The following ZNF804B variants were observed in gnomAD, a reference collection of about 807,000 sequenced individuals.
The protein encoded by ZNF804B is zinc finger protein 804B, also known as zinc finger 804B.
ZNF804B carries 80 observed loss-of-function variants against 101.4 expected under a neutral mutation model. That is an observed-to-expected ratio of 0.79 (90% CI 0.66 to 0.95). The LOEUF (loss-of-function observed/expected upper bound fraction) is 0.95, where lower values mean the gene tolerates loss of function less well. Among genes scored for constraint, ZNF804B ranks in the 40% least tolerant of loss-of-function variants. ZNF804B has a pLI of 0.00. For synonymous variants in ZNF804B, 622 were observed against 558.8 expected (o/e 1.11, Z -1.59); for missense variants, 1,673 against 1,561.9 (o/e 1.07, Z -1.20).
chr7:89,280,068 A>G (rs963078969), intron 2 of ZNF804B, among the ~76,000 whole-genome samples: 1 of 152,196 alleles, frequency 6.6e-6, no homozygotes, highest in Non-Finnish European at 1.5e-5. Context: ...CTCTCAGACC[A>G]CAGTGCAATC....
intron 1 of ZNF804B, among the ~76,000 whole-genome samples, chr7:88,779,784 T>C (rs1046695652): frequency 1.3e-5 from 2 of 152,202 alleles, no homozygotes; most frequent in African/African-American, 4.8e-5. Context: ...ATTTTCATAT[T>C]CTTTTATTAC....
At chr7:89,082,960 A>G (rs928927916) in intron 1 of ZNF804B, among the ~76,000 whole-genome samples, 1 of 151,720 alleles carries the variant, frequency 6.6e-6, no homozygotes, top group Admixed American at 6.6e-5. Context: ...CACTTTGAAG[A>G]TTGATTTTTA....
chr7:89,106,992 C>G (rs1243976957), intron 1 of ZNF804B, among the ~76,000 whole-genome samples: 1 of 151,914 alleles, frequency 6.6e-6, no homozygotes, highest in Non-Finnish European at 1.5e-5. Context: ...AAATACAGTA[C>G]TGAAACTCAG....
chr7:88,894,364 C>A (rs1792256072), intron 1 of ZNF804B, among the ~76,000 whole-genome samples: 1 of 151,938 alleles, frequency 6.6e-6, no homozygotes, highest in Admixed American at 6.6e-5. Context: ...AGATATGCAC[C>A]ACCATGCCCA....
At chr7:89,116,710 C>T (rs1166528746) in intron 1 of ZNF804B, among the ~76,000 whole-genome samples, 3 of 152,084 alleles carry the variant, frequency 2.0e-5, no homozygotes, top group Admixed American at 6.5e-5. Flanking sequence ...TATTTACCAG[C>T]GTATTTCCTT....
chr7:88,837,661 A>G (rs1478358489), intron 1 of ZNF804B, among the ~76,000 whole-genome samples: 1 of 151,946 alleles, frequency 6.6e-6, no homozygotes, highest in Non-Finnish European at 1.5e-5. Context: ...GTCAAGTTTT[A>G]GTGTAGTATC....
chr7:88,764,488 T>C (rs993982413), intron 1 of ZNF804B, among the ~76,000 whole-genome samples: 1 of 152,162 alleles, frequency 6.6e-6, no homozygotes, highest in African/African-American at 2.4e-5. Context: ...AATTGGCTAA[T>C]AGGAGGATGT....
intron 1 of ZNF804B, among the ~76,000 whole-genome samples, chr7:88,817,440 A>G (rs976544733): frequency 8.3e-6 from 1 of 120,268 alleles, no homozygotes; most frequent in Non-Finnish European, 1.7e-5. Flanking sequence ...ATAGGCAGTT[A>G]GCGCTACCAA....
At chr7:89,241,651 T>C (rs894125210) in intron 2 of ZNF804B, among the ~76,000 whole-genome samples, 2 of 152,070 alleles carry the variant, frequency 1.3e-5, no homozygotes, top group Non-Finnish European at 2.9e-5. Context: ...TATATCTCAA[T>C]AGAATGAGCT....
At chr7:89,174,115 T>A (rs1274282252) in intron 1 of ZNF804B, among the ~76,000 whole-genome samples, 1 of 151,986 alleles carries the variant, frequency 6.6e-6, no homozygotes, top group Non-Finnish European at 1.5e-5. Context: ...TTAGTTCTTT[T>A]AAAATGTATA....
At chr7:88,954,565 C>CCCA (rs1491149893) in intron 1 of ZNF804B, among the ~76,000 whole-genome samples, 2 of 150,686 alleles carry the variant, frequency 1.3e-5, no homozygotes, top group Admixed American at 6.6e-5. Flanking sequence ...GCCCCCCCCC[C>CCCA]ACCACGGGTG....
intron 1 of ZNF804B, among the ~76,000 whole-genome samples, chr7:89,030,849 A>ATAT (rs1562865299): frequency 6.6e-6 from 1 of 151,998 alleles, no homozygotes; most frequent in African/African-American, 2.4e-5. Flanking sequence ...TCTCCCTGCA[A>ATAT]TATTATGCTC....
intron 1 of ZNF804B, among the ~76,000 whole-genome samples, chr7:88,780,389 T>TTC (rs1387234042): frequency 7.0e-6 from 1 of 142,196 alleles, no homozygotes; most frequent in Non-Finnish European, 1.5e-5. Flanking sequence ...TTTTTGTCTT[T>TTC]TTTTTTTTTT....
Position 89,010,257 on chromosome 7 carries a change from G to T in ZNF804B, c.109-207898G>T, listed in dbSNP as rs73707725. Among the ~76,000 whole-genome samples the T allele has an allele frequency of 2.9e-3, 434 of 152,192 alleles. 4 individuals are homozygous for T. The highest frequency in any genetic ancestry group is 9.9e-3 in the African/African-American group (412 of 41,540). On this transcript the variant is annotated intron_variant, in intron 1 of 3. Transcript: ENST00000333190. The stretch of plus-strand genomic sequence containing the variant: ...ACTGACACTCAGAGAAGTCAAAGAG[G>T]CATTGCTATAGGATTCACAGCCTAT...
chr7:88,856,499 AT>A (rs1791561290), intron 1 of ZNF804B, among the ~76,000 whole-genome samples: 2 of 152,194 alleles, frequency 1.3e-5, no homozygotes, highest in Admixed American at 1.3e-4. Context: ...GCTTAAGGAG[AT>A]TTTGGGCTGA....
chr7:89,179,934 A>C (rs144578284), intron 1 of ZNF804B, among the ~76,000 whole-genome samples: 1 of 152,246 alleles, frequency 6.6e-6, no homozygotes, highest in Non-Finnish European at 1.5e-5. Flanking sequence ...CTTGGCTACT[A>C]TCCTGGAGAA....
chr7:89,215,503 A>G (rs987471733), intron 1 of ZNF804B, among the ~76,000 whole-genome samples: 1 of 152,070 alleles, frequency 6.6e-6, no homozygotes, highest in Non-Finnish European at 1.5e-5. Flanking sequence ...TCATGAGGCT[A>G]AGGTATTTTT....
intron 1 of ZNF804B, among the ~76,000 whole-genome samples, chr7:88,784,627 C>T (rs576361782): frequency 1.6e-4 from 25 of 152,254 alleles, no homozygotes; most frequent in African/African-American, 5.1e-4. Context: ...TCACTGCCAA[C>T]GGCCAAGCTT....
chr7:89,179,010 T>G (rs1295163840), intron 1 of ZNF804B, among the ~76,000 whole-genome samples: 4 of 152,152 alleles, frequency 2.6e-5, no homozygotes, highest in African/African-American at 9.7e-5. Context: ...ACCTGTAAGG[T>G]TTCTATTGAT....
Sources: allele counts gnomAD v4.1 joint callset (sites outside exome capture counted in the v4.1 genomes callset), GRCh38; gene constraint gnomAD v4.1.1; transcripts MANE v1.5; gene names NCBI Gene and HGNC (gene_info 2026-07-23, HGNC 2026-07-21).